Variants in STIM1 observed in about 807,000 individuals in gnomAD.
STIM1 encodes stromal interaction molecule 1.
A neutral mutation model predicts 74.7 loss-of-function variants in STIM1; 25 were observed. That is an observed-to-expected ratio of 0.33 (90% CI 0.24 to 0.47). The LOEUF is 0.47. Ranked by LOEUF, STIM1 falls within the 20% of genes least tolerant of loss-of-function variation. STIM1 has a pLI of 1.00. For synonymous variants in STIM1, 328 were observed against 348.8 expected (o/e 0.94, Z 0.66); for missense variants, 728 against 920.8 (o/e 0.79, Z 2.71).
intron 1 of STIM1, among the ~76,000 whole-genome samples, chr11:3,895,867 C>CT (rs564991058): frequency 0.022 from 1,669 of 75,260 alleles, 393 homozygotes; most frequent in African/African-American, 0.077. Flanking sequence ...CTCTCTCTCT[C>CT]TTTCTTTTCT....
intron 1 of STIM1, among the ~76,000 whole-genome samples, chr11:3,924,249 A>C (rs892208049): frequency 1.4e-5 from 2 of 138,046 alleles, no homozygotes; most frequent in African/African-American, 5.6e-5. Flanking sequence ...CCCAGTCTGG[A>C]GTGCAGTGGC....
intron 3 of STIM1, among the ~76,000 whole-genome samples, chr11:4,036,412 G>A (rs1308473788): frequency 6.6e-6 from 1 of 152,142 alleles, no homozygotes; most frequent in Admixed American, 6.6e-5. Flanking sequence ...TCTGCTTCTA[G>A]ATCTTTGAGG....
chr11:3,991,950 C>CAAAA (rs1230185435), intron 2 of STIM1, among the ~76,000 whole-genome samples: 3 of 36,670 alleles, frequency 8.2e-5, no homozygotes, highest in African/African-American at 4.1e-4. Context: ...AACTCCATCT[C>CAAAA]AAAAAAAAAA....
At chr11:3,893,586 C>T (rs1175533371) in intron 1 of STIM1, among the ~76,000 whole-genome samples, 1 of 151,998 alleles carries the variant, frequency 6.6e-6, no homozygotes, top group Non-Finnish European at 1.5e-5. Flanking sequence ...CACTTTCTTG[C>T]TCATTAGCAA....
intron 2 of STIM1, among the ~76,000 whole-genome samples, chr11:3,992,636 T>TA (rs1242259226): frequency 6.6e-6 from 1 of 152,204 alleles, no homozygotes; most frequent in East Asian, 1.9e-4. Flanking sequence ...CCAGTTTATT[T>TA]ATTTTTTTGC....
rs139230723 is a variant in STIM1, at chr11:3,885,183, A to AT, written c.139+28787dup. On this transcript the variant is annotated intron_variant, in intron 1 of 12. Coordinates refer to ENST00000526596, the MANE Select transcript of STIM1 (RefSeq NM_001382567.1). ...TTATATTTCAATATAAACATAGATA[A>AT]TTTTTTTTTTTTTGAGACAGTATCT... is the stretch of plus-strand genomic sequence containing the variant. Among the ~76,000 whole-genome samples, 872 of 147,350 alleles carry AT rather than the reference A, an allele frequency of 5.9e-3. 5 individuals are homozygous for AT. Among genetic ancestry groups the AT allele is most frequent in the African/African-American group, 0.02 (816 of 40,160 alleles).
chr11:3,909,436 T>C (rs1340931140), intron 1 of STIM1, among the ~76,000 whole-genome samples: 1 of 152,102 alleles, frequency 6.6e-6, no homozygotes, highest in Non-Finnish European at 1.5e-5. Flanking sequence ...CCTGGGCTTA[T>C]GAGAGACCCA....
intron 3 of STIM1, among the ~76,000 whole-genome samples, chr11:4,049,089 A>G (rs1339657923): frequency 6.6e-6 from 1 of 152,230 alleles, no homozygotes; most frequent in East Asian, 1.9e-4. Flanking sequence ...ACATCACATT[A>G]TAATATTGAG....
At chr11:3,989,743 A>G (rs2093591676) in intron 2 of STIM1, among the ~76,000 whole-genome samples, 1 of 152,230 alleles carries the variant, frequency 6.6e-6, no homozygotes, top group African/African-American at 2.4e-5. Context: ...CATATTGTCT[A>G]TTGCTGCTTT....
At chr11:4,002,968 A>G (rs1365263137) in intron 2 of STIM1, among the ~76,000 whole-genome samples, 5 of 148,502 alleles carry the variant, frequency 3.4e-5, no homozygotes, top group African/African-American at 1.2e-4. Context: ...ACCTCTATGC[A>G]AATATACTAG....
intron 1 of STIM1, among the ~76,000 whole-genome samples, chr11:3,876,612 T>C (rs1259270618): frequency 1.3e-5 from 2 of 152,186 alleles, no homozygotes; most frequent in Non-Finnish European, 2.9e-5. Flanking sequence ...TTTCACTGTG[T>C]TGCCCAGGCT....
At chr11:3,933,162 G>A (rs915054173) in intron 1 of STIM1, among the ~76,000 whole-genome samples, 5 of 152,148 alleles carry the variant, frequency 3.3e-5, no homozygotes, top group African/African-American at 9.7e-5. Flanking sequence ...AAGTCTTAGC[G>A]GCTGGCTATC....
intron 2 of STIM1, among the ~76,000 whole-genome samples, chr11:3,980,273 G>C (rs1015401510): frequency 1.5e-4 from 23 of 152,154 alleles, no homozygotes; most frequent in Non-Finnish European, 2.6e-4. Flanking sequence ...CTATAAATGA[G>C]TGGCTTACTT....
At chr11:4,013,732 T>C (rs1351443440) in intron 2 of STIM1, among the ~76,000 whole-genome samples, 1 of 126,228 alleles carries the variant, frequency 7.9e-6, no homozygotes, top group Non-Finnish European at 1.6e-5. Flanking sequence ...TGAGACAGAG[T>C]ATCCCTTTGT....
At chr11:3,964,317 CTTAG>C (rs1241732056) in intron 1 of STIM1, among the ~76,000 whole-genome samples, 1 of 152,190 alleles carries the variant, frequency 6.6e-6, no homozygotes, top group East Asian at 1.9e-4. Context: ...AGAGAGACTG[CTTAG>C]GACATGCTTG....
intron 1 of STIM1, among the ~76,000 whole-genome samples, chr11:3,906,090 G>T (rs777446389): frequency 6.6e-6 from 1 of 152,200 alleles, no homozygotes; most frequent in Non-Finnish European, 1.5e-5. Flanking sequence ...TGTGTGCTAT[G>T]GACTGTTACA....
intron 1 of STIM1, among the ~76,000 whole-genome samples, chr11:3,937,906 A>C (rs1590582732): frequency 6.8e-6 from 1 of 146,348 alleles, no homozygotes; most frequent in Non-Finnish European, 1.5e-5. Flanking sequence ...CTTTAACTTC[A>C]CCTAGGATCT....
intron 1 of STIM1, among the ~76,000 whole-genome samples, chr11:3,862,923 G>A (rs376893688): frequency 3.3e-5 from 5 of 151,304 alleles, no homozygotes; most frequent in Admixed American, 2.0e-4. Flanking sequence ...GTAGAGTTTC[G>A]CTCTTGTCAC....
chr11:4,068,554 C>T (rs973822955), intron 5 of STIM1, among the ~76,000 whole-genome samples: 5 of 152,116 alleles, frequency 3.3e-5, no homozygotes, highest in African/African-American at 1.2e-4. Context: ...CCCCTTGGAA[C>T]CTGAAAGACA....
Sources: allele counts gnomAD v4.1 joint callset (sites outside exome capture counted in the v4.1 genomes callset), GRCh38; gene constraint gnomAD v4.1.1; transcripts MANE v1.5; gene names NCBI Gene and HGNC (gene_info 2026-07-23, HGNC 2026-07-21).